The following SRD5A1 variants were observed in gnomAD, a reference collection of about 807,000 sequenced individuals.
SRD5A1 encodes the protein 3-oxo-5-alpha-steroid 4-dehydrogenase 1.
SRD5A1 carries 22 observed loss-of-function variants against 28.2 expected under a neutral mutation model. The ratio of observed to expected loss-of-function variants is 0.78; its 90% CI spans 0.56 to 1.12. The LOEUF is 1.12. Among genes scored for constraint, SRD5A1 ranks in the 50% most tolerant of loss-of-function variants. The pLI is 0.00. For missense variants in SRD5A1, 300 were observed against 346.7 expected (o/e 0.87, Z 1.07); for synonymous variants, 151 against 135.0 (o/e 1.12, Z -0.82).
At chr5:6,642,142 G>A (rs565637079) in intron 1 of SRD5A1, among the ~76,000 whole-genome samples, 2 of 152,330 alleles carry the variant, frequency 1.3e-5, no homozygotes, top group African/African-American at 4.8e-5. Context: ...TTTTCTTGGT[G>A]AGGGATAACA....
At chr5:6,655,619 A>G (rs1315901328) in intron 2 of SRD5A1, among the ~76,000 whole-genome samples, 12 of 152,268 alleles carry the variant, frequency 7.9e-5, no homozygotes, top group Admixed American at 7.8e-4. Context: ...GCCACCCTTC[A>G]AGGGGTGACG....
At chr5:6,661,583 A>G (rs1317188337) in intron 3 of SRD5A1, among the ~76,000 whole-genome samples, 1 of 131,578 alleles carries the variant, frequency 7.6e-6, no homozygotes, top group Non-Finnish European at 1.5e-5. Flanking sequence ...CCCAGGCTGG[A>G]GTGCAATGGC....
chr5:6,638,919 T>TAA (rs1032648283), intron 1 of SRD5A1, among the ~76,000 whole-genome samples: 78 of 152,340 alleles, frequency 5.1e-4, no homozygotes, highest in African/African-American at 1.9e-3. Context: ...AGTCGATCAT[T>TAA]AAAATTAACC....
intron 2 of SRD5A1, 56 bp from the exon 3 acceptor site, chr5:6,656,022 G>A (rs373831976): frequency 1.8e-5 from 24 of 1,314,662 alleles, no homozygotes; most frequent in South Asian, 2.4e-5. Context: ...GCTGGGGCTC[G>A]TAGTGAAATT....
At chr5:6,658,427 T>G (rs748759278) in intron 3 of SRD5A1, among the ~76,000 whole-genome samples, 1 of 152,224 alleles carries the variant, frequency 6.6e-6, no homozygotes, top group Non-Finnish European at 1.5e-5. Flanking sequence ...ACTTATTACC[T>G]GTCGCAGTAA....
chr5:6,660,228 A>AT (rs1738962557), intron 3 of SRD5A1, among the ~76,000 whole-genome samples: 1 of 152,344 alleles, frequency 6.6e-6, no homozygotes, highest in Non-Finnish European at 1.5e-5. Flanking sequence ...TCAAGAGGAC[A>AT]TTTTTTAGCA....
chr5:6,650,687 A>G (rs994450027), intron 1 of SRD5A1, among the ~76,000 whole-genome samples: 3 of 149,220 alleles, frequency 2.0e-5, no homozygotes, highest in Admixed American at 6.7e-5. Context: ...ACATGTGCAC[A>G]TTGTGCAGGT....
chr5:6,635,682 G>T (rs1403561507), intron 1 of SRD5A1, among the ~76,000 whole-genome samples: 2 of 152,216 alleles, frequency 1.3e-5, no homozygotes, highest in Non-Finnish European at 2.9e-5. Context: ...TGCACATCCA[G>T]ACATGTACTC....
intron 4 of SRD5A1, among the ~76,000 whole-genome samples, chr5:6,665,378 T>TA (rs1290787418): frequency 4.6e-5 from 7 of 152,254 alleles, no homozygotes; most frequent in Non-Finnish European, 8.8e-5. Context: ...AGGGAACTGA[T>TA]ACGCCAGCCT....
chr5:6,671,523 T>A lies in SRD5A1; in HGVS notation c.*3255T>A, dbSNP rs887439740. On this transcript the variant is annotated 3_prime_UTR_variant, in exon 5 of 5. Transcript: ENST00000274192. ...CTCTTTAGTTTAATTAAGTCCCATC[T>A]ATTTATCTTTGTTTTTATTGTTGGA... 2.0e-5 allele frequency: 3 copies of A among 152,216 alleles called. No individual in the cohort carries two copies. The highest frequency in any genetic ancestry group is 2.0e-4 in the Admixed American group (3 of 15,280). The allele number at this position is 152,216 out of a possible 1,614,324, so 9.4% of individuals were successfully genotyped here.
chr5:6,652,145 C>G, intron 2 of SRD5A1, 137 bp downstream of exon 2: 1 of 975,686 alleles, frequency 1.0e-6, no homozygotes, highest in Non-Finnish European at 1.4e-6. Context: ...CCCCGGAGTC[C>G]CATGGGAGAG....
At chr5:6,635,501 AAG>A (rs1392389708) in intron 1 of SRD5A1, among the ~76,000 whole-genome samples, 1 of 152,190 alleles carries the variant, frequency 6.6e-6, no homozygotes, top group Non-Finnish European at 1.5e-5. Context: ...ATGAGTTACT[AAG>A]CTGCCCCGCA....
intron 1 of SRD5A1, among the ~76,000 whole-genome samples, chr5:6,648,473 C>T (rs1738573744): frequency 6.6e-6 from 1 of 151,574 alleles, no homozygotes; most frequent in Non-Finnish European, 1.5e-5. Context: ...GGCTTTGTTT[C>T]TTTTCACTCT....
rs1366356627 is a variant in SRD5A1 at position 6,670,118 on chromosome 5, A to G, written c.*1850A>G. 3 of 152,328 alleles carry G rather than the reference A, an allele frequency of 2.0e-5. No individual in the cohort carries two copies. The highest frequency in any genetic ancestry group is 1.9e-4 in the East Asian group (1 of 5,198). The allele number at this position is 152,328 out of a possible 1,614,324, so 9.4% of individuals were successfully genotyped here. On this transcript the variant is annotated 3_prime_UTR_variant, in exon 5 of 5. Transcript: ENST00000274192. ...GAGCCCAGAAATGAGCCATGTGCCC[A>G]TTGCCGGGGAAGAGAAGGTAGGCTG... is the stretch of plus-strand genomic sequence containing the variant.
chr5:6,666,865 T>C (rs1739200284), intron 4 of SRD5A1, among the ~76,000 whole-genome samples: 2 of 152,294 alleles, frequency 1.3e-5, no homozygotes, highest in East Asian at 1.9e-4. Flanking sequence ...TGCCCTCTCG[T>C]GTTTGCCCAT....
chr5:6,643,287 A>C (rs1381512995), intron 1 of SRD5A1, among the ~76,000 whole-genome samples: 6 of 152,080 alleles, frequency 3.9e-5, no homozygotes. Flanking sequence ...ACTGCTCATC[A>C]TCTGCCTTGC....
chr5:6,643,467 G>C (rs1738420510), intron 1 of SRD5A1, among the ~76,000 whole-genome samples: 1 of 152,070 alleles, frequency 6.6e-6, no homozygotes, highest in African/African-American at 2.4e-5. Flanking sequence ...ACCACACCCA[G>C]CTAATTTTCA....
intron 2 of SRD5A1, among the ~76,000 whole-genome samples, chr5:6,654,393 G>A (rs941064385): frequency 2.0e-5 from 3 of 151,522 alleles, no homozygotes; most frequent in Admixed American, 6.6e-5. Flanking sequence ...CAGCAAAAGT[G>A]GTTAATCTAA....
intron 1 of SRD5A1, among the ~76,000 whole-genome samples, chr5:6,646,285 A>AACAGTACC (rs1206755984): frequency 6.6e-6 from 1 of 152,220 alleles, no homozygotes; most frequent in Non-Finnish European, 1.5e-5. Flanking sequence ...TGCTATTGTG[A>AACAGTACC]ACAGTACCAC....
Sources: gnomAD v4.1 joint callset for allele counts (sites outside exome capture counted in the v4.1 genomes callset) on GRCh38, gnomAD v4.1.1 for gene constraint, MANE v1.5 for transcripts, NCBI Gene and HGNC (gene_info 2026-07-23, HGNC 2026-07-21) for gene names.